The following POM121 variants were observed in gnomAD, a reference collection of about 807,000 sequenced individuals.
POM121 encodes the protein nuclear envelope pore membrane protein POM 121.
Under a neutral mutation model 81.3 loss-of-function variants are expected in POM121, and 32 were observed. That is an observed-to-expected ratio of 0.39 (90% CI 0.30 to 0.53). The LOEUF (loss-of-function observed/expected upper bound fraction) is 0.53, where lower values mean the gene tolerates loss of function less well. Ranked by LOEUF, POM121 falls within the 20% of genes least tolerant of loss-of-function variation. The pLI, the probability that POM121 is intolerant of heterozygous loss-of-function variation, is 0.66. For synonymous variants in POM121, 514 were observed against 694.2 expected (o/e 0.74, Z 4.08); for missense variants, 1,138 against 1,614.6 (o/e 0.70, Z 5.06).
chr7:72,883,516 T>C (rs1586056120), intron 1 of POM121, among the ~76,000 whole-genome samples: 1 of 152,188 alleles, frequency 6.6e-6, no homozygotes, highest in South Asian at 2.1e-4. Flanking sequence ...TTAATACATG[T>C]GGCAGTTGGG....
At chr7:72,912,357 A>G (rs1793885477) in intron 3 of POM121, among the ~76,000 whole-genome samples, 1 of 152,238 alleles carries the variant, frequency 6.6e-6, no homozygotes, top group Non-Finnish European at 1.5e-5. Context: ...CAGTGCAGTA[A>G]ACTGATAGGA....
At chr7:72,922,791 C>G (rs112652765), upstream of POM121, among the ~76,000 whole-genome samples, 1 of 152,044 alleles carries the variant, frequency 6.6e-6, no homozygotes, top group Non-Finnish European at 1.5e-5. Context: ...AGGAGTGCCC[C>G]GAGGGCTCAG....
At chr7:72,930,527 C>T (rs781904148) in intron 5 of POM121, among the ~76,000 whole-genome samples, 10 of 152,250 alleles carry the variant, frequency 6.6e-5, no homozygotes, top group East Asian at 5.8e-4. Context: ...GAGGGTGATT[C>T]GAAAGGTAGA....
upstream of POM121, among the ~76,000 whole-genome samples, chr7:72,923,388 G>C (rs1433753045): frequency 3.3e-5 from 5 of 152,004 alleles, no homozygotes; most frequent in Non-Finnish European, 7.4e-5. Context: ...CTCAGCTCCA[G>C]GAGCACTTCC....
At chr7:72,880,793 G>A (rs1391407947) in intron 1 of POM121, among the ~76,000 whole-genome samples, 46 of 148,954 alleles carry the variant, frequency 3.1e-4, no homozygotes, top group African/African-American at 1.1e-3. Flanking sequence ...GGCTGAAGTG[G>A]GAGGATGGAT....
At chr7:72,903,030 A>T (rs182535867) in intron 3 of POM121, among the ~76,000 whole-genome samples, 3 of 151,928 alleles carry the variant, frequency 2.0e-5, no homozygotes, top group Non-Finnish European at 2.9e-5. Context: ...AATGGGCTGT[A>T]CTCTCTTATG....
intron 4 of POM121, among the ~76,000 whole-genome samples, chr7:72,914,487 G>T (rs1349947950): frequency 6.7e-6 from 1 of 149,528 alleles, no homozygotes; most frequent in Non-Finnish European, 1.5e-5. Flanking sequence ...GAATGAGACT[G>T]TGTCTTTTTT....
intron 1 of POM121, among the ~76,000 whole-genome samples, chr7:72,882,239 G>T (rs572106855): frequency 2.0e-5 from 3 of 152,268 alleles, no homozygotes; most frequent in African/African-American, 7.2e-5. Context: ...GGCTGAGGGG[G>T]CCTCAGGAAA....
rs575438084 is a variant in POM121, at chr7:72,886,943, C to T, written c.-520-3684C>T. 4.0e-5 allele frequency among the ~76,000 whole-genome samples: 6 copies of T among 151,422 alleles called. No homozygotes were observed. In the South Asian group the frequency reaches 1.3e-3, roughly 32 times the overall value. ...TTGGATCTTGGGTTTATGGTGTCAT[C>T]ACTTGGGGGAACATTTTTATCATTA... On this transcript the variant is annotated intron_variant, in intron 1 of 15. Coordinates refer to the POM121 transcript ENST00000395270.
downstream of POM121, chr7:72,948,322 C>T (rs538292173): frequency 3.0e-3 from 4,820 of 1,603,040 alleles, 239 homozygotes; most frequent in African/African-American, 0.054. Flanking sequence ...CATTTTATTT[C>T]TGCAGGCAAC....
At chr7:72,928,044 A>C (rs1428584403) in intron 3 of POM121, among the ~76,000 whole-genome samples, 1 of 152,138 alleles carries the variant, frequency 6.6e-6, no homozygotes. Flanking sequence ...CGCCTCTACA[A>C]AAAATTAAGA....
At chr7:72,949,945 G>A (rs200441380), downstream of POM121, 2 of 1,612,372 alleles carry the variant, frequency 1.2e-6, no homozygotes, top group Non-Finnish European at 1.7e-6. Context: ...CAGCAGCATG[G>A]CTGGGAGACA....
chr7:72,895,831 C>T (rs1791892329), intron 3 of POM121, among the ~76,000 whole-genome samples: 1 of 151,810 alleles, frequency 6.6e-6, no homozygotes, highest in Non-Finnish European at 1.5e-5. Flanking sequence ...ATCACTTGAA[C>T]CCAGGAGGCA....
In POM121 at chr7:72,942,935, G is replaced by C. The variant is rs782143513; in HGVS notation, c.2942G>C (p.Gly981Ala). 1.9e-6 allele frequency: 3 copies of C among 1,604,300 alleles called. No homozygotes were observed. The highest frequency in any genetic ancestry group is 2.2e-5 in the South Asian group (2 of 90,010). ...GGGGCCGCTGAGGGGCAGCCACCGG[G>C]GGCCGCCAAGCCGGCCCTTGCCCCC... ...AFGAAEGQPP[G>A]AAKPALAPSF... Residue 981 changes from glycine (G) to alanine (A), a missense_variant, in exon 11 of 13, where the codon GGG (glycine) becomes GCG (alanine). By Grantham distance (60) the Gly-to-Ala change is moderately conservative. Around this residue, in one of 7 missense-constraint regions of POM121, gnomAD observed 45 missense variants for 75.7 expected, o/e 0.59. Coordinates refer to ENST00000434423, the MANE Select transcript of POM121 (RefSeq NM_001387691.1).
downstream of POM121, chr7:72,949,170 AAATCCTCG>A (rs1797914767): frequency 1.5e-6 from 2 of 1,294,946 alleles, no homozygotes; most frequent in African/African-American, 3.0e-5. Context: ...CTCGCTCCTG[AAATCCTCG>A]CTTCACAGAG....
At chr7:72,916,546 C>T (rs1794309708) in intron 4 of POM121, among the ~76,000 whole-genome samples, 1 of 152,100 alleles carries the variant, frequency 6.6e-6, no homozygotes, top group Admixed American at 6.6e-5. Flanking sequence ...GGTACCAGTA[C>T]CATGCTGTTT....
Position 72,942,932 on chromosome 7 carries a change from C to T in POM121, c.2939C>T (p.Pro980Leu), listed in dbSNP as rs145302862. The part of the protein sequence containing the change: ...PAFGAAEGQP[P>L]GAAKPALAPS... Reference sequence around the variant, plus strand: ...TTTGGGGCCGCTGAGGGGCAGCCACCGGGGGCCGCCAAGCCGGCCCTTGCC... The same window carrying T: ...TTTGGGGCCGCTGAGGGGCAGCCACTGGGGGCCGCCAAGCCGGCCCTTGCC... The change falls in exon 11 of 13, where the codon CCG becomes CTG. Residue 980 changes from proline (P) to leucine (L), a missense_variant. This residue lies in a region of POM121 where 45 missense variants were observed against 75.7 expected (regional missense o/e 0.59). Coordinates refer to ENST00000434423, the MANE Select transcript of POM121 (RefSeq NM_001387691.1). 51 of 1,603,494 alleles carry T rather than the reference C, an allele frequency of 3.2e-5. No homozygotes were observed. The highest frequency in any genetic ancestry group is 1.6e-4 in the African/African-American group (12 of 74,758).
chr7:72,892,824 G>A (rs1261736656), intron 3 of POM121, among the ~76,000 whole-genome samples: 19 of 151,960 alleles, frequency 1.3e-4, no homozygotes, highest in Admixed American at 2.0e-4. Context: ...ACACCACCAT[G>A]CCTGGCTAAT....
Position 72,938,739 on chromosome 7 carries a change from A to T in POM121, c.1367+58A>T. On this transcript the variant is annotated intron_variant, in intron 6 of 12. Coordinates refer to ENST00000434423, the MANE Select transcript of POM121 (RefSeq NM_001387691.1). ...TGCGTGGACAGGCGGGGGTGAGGAAAGGTGGGAAACGAACCTGGCTCTTAG... is the reference window on the plus strand; with the variant it reads ...TGCGTGGACAGGCGGGGGTGAGGAATGGTGGGAAACGAACCTGGCTCTTAG... 1.9e-6 allele frequency: 3 copies of T among 1,580,588 alleles called. No individual in the cohort carries two copies. The South Asian group carries it at 3.3e-5, about 17-fold the overall frequency.
Sources: allele counts gnomAD v4.1 joint callset (sites outside exome capture counted in the v4.1 genomes callset), GRCh38; gene constraint gnomAD v4.1.1; regional missense constraint gnomAD v4.1.1; transcripts MANE v1.5; gene names NCBI Gene and HGNC (gene_info 2026-07-23, HGNC 2026-07-21).